Variants in BMPR1B observed in about 807,000 individuals in gnomAD.
BMPR1B encodes bone morphogenetic protein receptor type 1B, also known as bone morphogenetic protein receptor type-1B.
In BMPR1B, 12 loss-of-function variants were observed where a neutral mutation model predicts 59.1. That is an observed-to-expected ratio of 0.20 (90% CI 0.13 to 0.33). The LOEUF (loss-of-function observed/expected upper bound fraction) is 0.33. Among genes scored for constraint, BMPR1B ranks in the 10% least tolerant of loss-of-function variants. BMPR1B has a pLI of 1.00. For synonymous variants in BMPR1B, 237 were observed against 207.3 expected, an observed-to-expected ratio of 1.14 and a Z score of -1.23; for missense variants, 550 against 610.9, an observed-to-expected ratio of 0.90 and a Z score of 1.05.
At chr4:94,960,458 G>A (rs1327627823) in intron 2 of BMPR1B, among the ~76,000 whole-genome samples, 1 of 152,074 alleles carries the variant, frequency 6.6e-6, no homozygotes, top group East Asian at 1.9e-4. Context: ...TTTGGAATAG[G>A]TGATAGTAAT....
intron 3 of BMPR1B, among the ~76,000 whole-genome samples, chr4:95,028,252 T>C (rs2149149755): frequency 6.6e-6 from 1 of 152,314 alleles, no homozygotes; most frequent in East Asian, 1.9e-4. Context: ...TCCCTCCAAA[T>C]GTATAAAGGT....
chr4:95,047,404 T>C (rs146223773), intron 3 of BMPR1B, among the ~76,000 whole-genome samples: 1 of 152,348 alleles, frequency 6.6e-6, no homozygotes, highest in Non-Finnish European at 1.5e-5. Flanking sequence ...AGATATTTTA[T>C]TGAATATTTC....
intron 3 of BMPR1B, among the ~76,000 whole-genome samples, chr4:95,003,048 C>T (rs1169186260): frequency 6.6e-6 from 1 of 151,624 alleles, no homozygotes; most frequent in Non-Finnish European, 1.5e-5. Context: ...GTTGCAACTG[C>T]TTTCCTAAGA....
In BMPR1B at chr4:94,823,790, C is replaced by G. The variant is rs1266677742; in HGVS notation, c.-182-52041C>G. 2.0e-5 allele frequency among the ~76,000 whole-genome samples: 3 copies of G among 151,948 alleles called. No individual in the cohort carries two copies. The East Asian group carries it at 5.8e-4, about 29-fold the overall frequency. On this transcript the variant is annotated intron_variant, in intron 1 of 12. Transcript: ENST00000515059. ...TGAGATGGAGTCTCGCTCTGTCGCCCAGGCTGCAGTGCAGTGGCATGATTT... is the reference window on the plus strand; with the variant it reads ...TGAGATGGAGTCTCGCTCTGTCGCCGAGGCTGCAGTGCAGTGGCATGATTT...
intron 2 of BMPR1B, among the ~76,000 whole-genome samples, chr4:94,962,016 C>T (rs1730372588): frequency 6.6e-6 from 1 of 151,918 alleles, no homozygotes; most frequent in African/African-American, 2.4e-5. Flanking sequence ...CCTTATTGTG[C>T]TATGGAAACA....
At chr4:95,000,019 T>C (rs1404223085) in intron 3 of BMPR1B, among the ~76,000 whole-genome samples, 1 of 152,212 alleles carries the variant, frequency 6.6e-6, no homozygotes, top group Non-Finnish European at 1.5e-5. Flanking sequence ...CCTTTAATTG[T>C]ATTTTATTTG....
At chr4:94,981,386 T>C (rs1479869515) in intron 2 of BMPR1B, among the ~76,000 whole-genome samples, 1 of 152,112 alleles carries the variant, frequency 6.6e-6, no homozygotes, top group South Asian at 2.1e-4. Flanking sequence ...TATCTTCTAT[T>C]GAATGGTTGA....
chr4:94,779,536 T>C (rs1185630688), intron 1 of BMPR1B, among the ~76,000 whole-genome samples: 1 of 152,128 alleles, frequency 6.6e-6, no homozygotes. Context: ...TTTATCATGT[T>C]GAGGTTGTTC....
At chr4:94,848,963 G>T (rs1397723692) in intron 1 of BMPR1B, among the ~76,000 whole-genome samples, 1 of 152,178 alleles carries the variant, frequency 6.6e-6, no homozygotes, top group Non-Finnish European at 1.5e-5. Flanking sequence ...AGACATGGGT[G>T]AAACCAGAAA....
intron 1 of BMPR1B, among the ~76,000 whole-genome samples, chr4:94,848,611 TA>T (rs1415857921): frequency 9.6e-6 from 1 of 104,132 alleles, no homozygotes. Context: ...CTTTAGTTTT[TA>T]TTTTTAGTGA....
At chr4:94,890,200 T>C (rs969604163) in intron 2 of BMPR1B, among the ~76,000 whole-genome samples, 10 of 152,068 alleles carry the variant, frequency 6.6e-5, no homozygotes, top group African/African-American at 2.4e-4. Context: ...TGCTAGAGGC[T>C]TGGACCTGAG....
At chr4:94,999,559 T>C (rs896086416) in intron 3 of BMPR1B, among the ~76,000 whole-genome samples, 11 of 152,132 alleles carry the variant, frequency 7.2e-5, no homozygotes, top group African/African-American at 2.4e-4. Flanking sequence ...CCAAAAATGC[T>C]GTTTATGTAA....
chr4:95,051,272 A>G (rs527913997), intron 3 of BMPR1B, among the ~76,000 whole-genome samples: 1 of 152,238 alleles, frequency 6.6e-6, no homozygotes, highest in African/African-American at 2.4e-5. Context: ...CTTAGCAGAG[A>G]TAAAAATGTT....
chr4:95,036,674 C>T (rs767072832), intron 3 of BMPR1B, among the ~76,000 whole-genome samples: 3 of 147,720 alleles, frequency 2.0e-5, no homozygotes, highest in East Asian at 2.0e-4. Flanking sequence ...TAAACATGGG[C>T]GTGCAGATAT....
chr4:95,051,760 A>G (rs777841006), intron 3 of BMPR1B: 102 of 1,535,446 alleles, frequency 6.6e-5, no homozygotes, highest in Non-Finnish European at 8.3e-5. Context: ...TCTTCTCTCT[A>G]TGCACACAAG....
rs548188332 is a variant in BMPR1B at position 94,915,961 on chromosome 4, C to A, written c.-113+40061C>A. On this transcript the variant is annotated intron_variant, in intron 2 of 12. Transcript: ENST00000515059. Reference sequence around the variant, plus strand: ...AAGTGTGTGGCACCTCCTTTCTCAGCCTCTTCCTACTTTTGCCACGTGACA... The same window carrying A: ...AAGTGTGTGGCACCTCCTTTCTCAGACTCTTCCTACTTTTGCCACGTGACA... Among the ~76,000 whole-genome samples the A allele has an allele frequency of 2.6e-5, 4 of 152,216 alleles. No homozygotes were observed. In the South Asian group the frequency reaches 8.3e-4, roughly 32 times the overall value.
intron 8 of BMPR1B, 72 bp from the exon 9 acceptor site, chr4:95,129,790 T>C: frequency 6.7e-7 from 1 of 1,496,652 alleles, no homozygotes; most frequent in Non-Finnish European, 9.2e-7. Flanking sequence ...TCGTTTCTTC[T>C]CTGGAGAAAA....
At chr4:95,037,448 A>G (rs945716947) in intron 3 of BMPR1B, among the ~76,000 whole-genome samples, 3 of 152,198 alleles carry the variant, frequency 2.0e-5, no homozygotes, top group African/African-American at 7.2e-5. Context: ...TATCACCTAT[A>G]CTTGTGTGAA....
chr4:94,794,631 T>C (rs1046424209), intron 1 of BMPR1B, among the ~76,000 whole-genome samples: 7 of 149,956 alleles, frequency 4.7e-5, no homozygotes, highest in Non-Finnish European at 7.4e-5. Context: ...TTTCACGATA[T>C]TGATTCTTCC....
Sources: allele counts gnomAD v4.1 joint callset (sites outside exome capture counted in the v4.1 genomes callset), GRCh38; gene constraint gnomAD v4.1.1; transcripts MANE v1.5; gene names NCBI Gene and HGNC (gene_info 2026-07-23, HGNC 2026-07-21).